The following NCKAP5 variants were observed in gnomAD, a reference collection of about 807,000 sequenced individuals.
NCKAP5 encodes nck-associated protein 5.
In NCKAP5, 92 loss-of-function variants were observed where a neutral mutation model predicts 167.0. That is an observed-to-expected ratio of 0.55 (90% CI 0.47 to 0.66). NCKAP5 has a LOEUF of 0.66. Ranked by LOEUF, NCKAP5 falls within the 30% of genes least tolerant of loss-of-function variation. The pLI, the probability that NCKAP5 is intolerant of heterozygous loss-of-function variation, is 0.00. For synonymous variants in NCKAP5, 891 were observed against 877.4 expected (o/e 1.02, Z -0.27); for missense variants, 2,378 against 2,315.0 (o/e 1.03, Z -0.56).
At chr2:133,416,641 T>G (rs1689124859) in intron 3 of NCKAP5, among the ~76,000 whole-genome samples, 1 of 151,798 alleles carries the variant, frequency 6.6e-6, no homozygotes, top group Non-Finnish European at 1.5e-5. Context: ...GGAAATAATC[T>G]GCTTTGGCAT....
chr2:133,497,150 A>G (rs962512946), intron 3 of NCKAP5, among the ~76,000 whole-genome samples: 5 of 152,248 alleles, frequency 3.3e-5, no homozygotes, highest in African/African-American at 1.2e-4. Flanking sequence ...GCAATTGCCA[A>G]TTTTAAAAGA....
At chr2:133,198,193 T>G (rs2085520863) in intron 5 of NCKAP5, among the ~76,000 whole-genome samples, 2 of 152,080 alleles carry the variant, frequency 1.3e-5, no homozygotes, top group South Asian at 2.1e-4. Context: ...GTTATAGCAT[T>G]TATATCAACA....
At position 133,074,250 on chromosome 2, in the gene NCKAP5, CA is replaced by C. The variant is rs372123984; in HGVS notation, c.341+55727del. Among the ~76,000 whole-genome samples the C allele has an allele frequency of 3.7e-3, 542 of 147,778 alleles. 8 individuals carry two copies. Among genetic ancestry groups the C allele is most frequent in the African/African-American group, 0.013 (526 of 39,828 alleles). ...TGATGCAGATGTTAGAGGCATTAGCCAAAGAATTGAAAGCAGCTTTTGTAAT... is the reference window on the plus strand; with the variant it reads ...TGATGCAGATGTTAGAGGCATTAGCCAAGAATTGAAAGCAGCTTTTGTAAT... On this transcript the variant is annotated intron_variant, in intron 6 of 19. Coordinates refer to ENST00000409261, the MANE Select transcript of NCKAP5 (RefSeq NM_207363.3).
chr2:132,769,727 A>T (rs543389735), intron 16 of NCKAP5, among the ~76,000 whole-genome samples: 2 of 152,354 alleles, frequency 1.3e-5, no homozygotes, highest in South Asian at 4.1e-4. Flanking sequence ...CTTTCCCAGC[A>T]TCCTTTGCAG....
chr2:132,819,821 A>G (rs560087035), intron 11 of NCKAP5, among the ~76,000 whole-genome samples: 42 of 152,228 alleles, frequency 2.8e-4, no homozygotes, highest in Non-Finnish European at 4.9e-4. Flanking sequence ...AATTCTCAAG[A>G]GTGGAAGTAT....
At chr2:132,732,220 C>T (rs1217415375) in intron 16 of NCKAP5, among the ~76,000 whole-genome samples, 169 bp from the exon 17 acceptor site, 1 of 146,408 alleles carries the variant, frequency 6.8e-6, no homozygotes, top group African/African-American at 2.5e-5. Context: ...CTTGTTCTCA[C>T]TCATAGGTGG....
At chr2:133,340,821 A>T (rs983013964) in intron 3 of NCKAP5, among the ~76,000 whole-genome samples, 1 of 152,160 alleles carries the variant, frequency 6.6e-6, no homozygotes, top group Non-Finnish European at 1.5e-5. Flanking sequence ...AAAACAAGAC[A>T]TTGTATCACT....
chr2:133,116,164 G>A (rs1247054909), intron 6 of NCKAP5, among the ~76,000 whole-genome samples: 1 of 151,992 alleles, frequency 6.6e-6, no homozygotes, highest in African/African-American at 2.4e-5. Flanking sequence ...GAAAATGTAT[G>A]TCTAACTTTT....
chr2:133,497,066 G>A (rs1559527991), intron 3 of NCKAP5, among the ~76,000 whole-genome samples: 2 of 152,172 alleles, frequency 1.3e-5, no homozygotes, highest in African/African-American at 2.4e-5. Context: ...CTGAATGAAC[G>A]TGCAAAGCTT....
chr2:133,040,795 G>T (rs1183333128), intron 6 of NCKAP5, among the ~76,000 whole-genome samples: 1 of 152,206 alleles, frequency 6.6e-6, no homozygotes, highest in Non-Finnish European at 1.5e-5. Context: ...AAAGGGAATT[G>T]ATTTAGATAT....
At chr2:133,134,380 T>C (rs1454253294) in intron 5 of NCKAP5, among the ~76,000 whole-genome samples, 1 of 152,214 alleles carries the variant, frequency 6.6e-6, no homozygotes, top group Non-Finnish European at 1.5e-5. Flanking sequence ...TACCTTTTTG[T>C]TTTTAGTGTG....
intron 6 of NCKAP5, among the ~76,000 whole-genome samples, chr2:133,103,072 A>T (rs1479575687): frequency 6.6e-6 from 1 of 152,096 alleles, no homozygotes; most frequent in African/African-American, 2.4e-5. Flanking sequence ...ATTTCTTTTC[A>T]TTTTTCCCAG....
chr2:132,926,611 T>G (rs1695915211), intron 8 of NCKAP5, among the ~76,000 whole-genome samples: 1 of 152,230 alleles, frequency 6.6e-6, no homozygotes, highest in Non-Finnish European at 1.5e-5. Context: ...GGTTTTAATT[T>G]GCATTTCTCC....
intron 3 of NCKAP5, among the ~76,000 whole-genome samples, chr2:133,312,577 C>G (rs539186199): frequency 6.6e-6 from 1 of 152,200 alleles, no homozygotes; most frequent in Non-Finnish European, 1.5e-5. Flanking sequence ...CTATTGTGCA[C>G]TCTTCCCCTG....
intron 2 of NCKAP5, among the ~76,000 whole-genome samples, chr2:133,529,950 C>T (rs922289349): frequency 2.0e-5 from 3 of 152,078 alleles, no homozygotes; most frequent in Admixed American, 2.0e-4. Flanking sequence ...ATTTTCCCCC[C>T]AGTCTACCTC....
intron 13 of NCKAP5, among the ~76,000 whole-genome samples, chr2:132,787,623 A>G (rs958811199): frequency 6.6e-6 from 1 of 152,214 alleles, no homozygotes; most frequent in Non-Finnish European, 1.5e-5. Context: ...AAATCAAATT[A>G]TAAATTTTCT....
At chr2:133,573,850 G>A in the NCKAP5 span, among the ~76,000 whole-genome samples, 1 of 152,194 alleles carries the variant, frequency 6.6e-6, no homozygotes, top group South Asian at 2.1e-4. Context: ...CAAAATTGAA[G>A]TCCAGTTTGC....
the NCKAP5 span, among the ~76,000 whole-genome samples, chr2:133,597,824 GTTCT>G: frequency 2.0e-5 from 3 of 152,070 alleles, no homozygotes; most frequent in Non-Finnish European, 2.9e-5. Context: ...GCACAATCAG[GTTCT>G]TTCTGAGTGT....
intron 3 of NCKAP5, among the ~76,000 whole-genome samples, chr2:133,331,405 CTTCTCTCCCAACAGAGCTTAA>C (rs1360957032): frequency 6.6e-6 from 1 of 152,168 alleles, no homozygotes; most frequent in African/African-American, 2.4e-5. Flanking sequence ...GCATTTTCAT[CTTCTCTCCCAACAGAGCTTAA>C]TGGCACCTGC....
Sources: allele counts gnomAD v4.1 joint callset (sites outside exome capture counted in the v4.1 genomes callset), GRCh38; gene constraint gnomAD v4.1.1; transcripts MANE v1.5; gene names NCBI Gene and HGNC (gene_info 2026-07-23, HGNC 2026-07-21).